Variants in ZNF254 observed in about 807,000 individuals in gnomAD.
ZNF254 encodes the protein CTD-2017D11.1.
ZNF254 carries 10 observed loss-of-function variants against 12.4 expected under a neutral mutation model. That is an observed-to-expected ratio of 0.80 (90% CI 0.50 to 1.36). The LOEUF is 1.36. ZNF254 is among the 40% of genes most tolerant of loss of function. ZNF254 has a pLI of 0.00. For synonymous variants in ZNF254, 305 were observed against 253.4 expected, an observed-to-expected ratio of 1.20 and a Z score of -1.93; for missense variants, 996 against 763.9, an observed-to-expected ratio of 1.30 and a Z score of -3.58.
chr19:24,120,786 C>T (rs1397759759), intron 3 of ZNF254, among the ~76,000 whole-genome samples: 2 of 152,052 alleles, frequency 1.3e-5, no homozygotes, highest in African/African-American at 4.8e-5. Context: ...CCTCAGCCTC[C>T]TGAGTACCTG....
intron 1 of ZNF254, among the ~76,000 whole-genome samples, chr19:24,034,488 GTTTTT>G (rs963358053): frequency 5.7e-4 from 61 of 107,346 alleles, no homozygotes; most frequent in Admixed American, 3.1e-3. Context: ...AGGTAAGTGG[GTTTTT>G]TTTTTTTTTT....
chr19:24,048,534 G>A (rs964976337), intron 2 of ZNF254, among the ~76,000 whole-genome samples: 2 of 152,198 alleles, frequency 1.3e-5, no homozygotes, highest in African/African-American at 2.4e-5. Context: ...ATGGCTCACT[G>A]TGCCCTCCAC....
intron 2 of ZNF254, among the ~76,000 whole-genome samples, chr19:24,056,005 G>T (rs1970839216): frequency 2.0e-5 from 3 of 152,138 alleles, no homozygotes; most frequent in Admixed American, 2.0e-4. Context: ...TGACTCTCTT[G>T]CCTAAGACCA....
At chr19:24,080,233 A>G (rs1345592892) in intron 2 of ZNF254, 1 of 152,182 alleles carries the variant, frequency 6.6e-6, no homozygotes, top group Non-Finnish European at 1.5e-5. Flanking sequence ...AACCTCCCAC[A>G]TGGGGTTGCC....
intron 2 of ZNF254, among the ~76,000 whole-genome samples, chr19:24,054,622 C>G (rs1568429452): frequency 6.6e-6 from 1 of 152,154 alleles, no homozygotes; most frequent in African/African-American, 2.4e-5. Flanking sequence ...AGGGAAAGAG[C>G]CTATGGCTGA....
Position 24,128,290 on chromosome 19 carries a change from A to G in ZNF254, c.*310A>G. 2 of 267,064 alleles carry G rather than the reference A, an allele frequency of 7.5e-6. No homozygotes were observed. Among genetic ancestry groups the G allele is most frequent in the East Asian group, 6.9e-5 (1 of 14,542 alleles). The allele number at this position is 267,064 out of a possible 1,614,324, so 16.5% of individuals were successfully genotyped here. On this transcript the variant is annotated 3_prime_UTR_variant, in exon 4 of 4. Transcript: ENST00000357002. ...AGCATTTATACTTGAGAAGAAATGTACAAATATTGGCAAAGTAAAAAATCC... is the reference window on the plus strand; with the variant it reads ...AGCATTTATACTTGAGAAGAAATGTGCAAATATTGGCAAAGTAAAAAATCC...
In ZNF254 at chr19:24,088,857, A is replaced by C. The variant is rs185909791; in HGVS notation, c.30+1520A>C. ...TTTTTAGTAGAGACCGGGCTTCACT[A>C]TGTTGTCCAGGCTGGTTTCAAACTC... On this transcript the variant is annotated intron_variant, in intron 1 of 3. Transcript: ENST00000357002. Among the ~76,000 whole-genome samples the C allele has an allele frequency of 2.7e-5, 4 of 147,816 alleles. No individual in the cohort carries two copies. The Admixed American group carries it at 2.7e-4, about 10-fold the overall frequency.
At chr19:24,045,241 A>C (rs980843596) in intron 1 of ZNF254, among the ~76,000 whole-genome samples, 1 of 152,094 alleles carries the variant, frequency 6.6e-6, no homozygotes, top group Non-Finnish European at 1.5e-5. Flanking sequence ...GTGATAGTTT[A>C]AGCCCCTGCA....
chr19:24,064,229 A>G (rs1971185497), intron 2 of ZNF254, among the ~76,000 whole-genome samples: 1 of 152,136 alleles, frequency 6.6e-6, no homozygotes, highest in East Asian at 1.9e-4. Flanking sequence ...GGGTTACTGG[A>G]ACATAAAGCT....
chr19:24,071,155 C>G (rs936591644), intron 2 of ZNF254, among the ~76,000 whole-genome samples: 1 of 152,124 alleles, frequency 6.6e-6, no homozygotes, highest in Non-Finnish European at 1.5e-5. Flanking sequence ...AGAAGGCCCC[C>G]TACTCTCGAC....
intron 1 of ZNF254, among the ~76,000 whole-genome samples, chr19:24,093,529 C>T (rs1013968799): frequency 2.0e-5 from 3 of 152,150 alleles, no homozygotes; most frequent in Admixed American, 2.0e-4. Context: ...TATTCCACCA[C>T]CATTTATTAC....
intron 1 of ZNF254, among the ~76,000 whole-genome samples, chr19:24,099,469 CGCTA>C (rs911444988): frequency 6.6e-5 from 10 of 152,140 alleles, no homozygotes; most frequent in Non-Finnish European, 1.3e-4. Flanking sequence ...AGCAAGAGTG[CGCTA>C]GCACAGTCTT....
intron 2 of ZNF254, among the ~76,000 whole-genome samples, chr19:24,051,359 C>A (rs1970639261): frequency 1.3e-5 from 2 of 151,998 alleles, no homozygotes. Flanking sequence ...GAAGTTTCAC[C>A]ATGTTGGCCA....
intron 1 of ZNF254, among the ~76,000 whole-genome samples, chr19:24,088,885 A>G (rs527484288): frequency 6.7e-6 from 1 of 150,058 alleles, no homozygotes; most frequent in Non-Finnish European, 1.5e-5. Flanking sequence ...TCAAACTCCT[A>G]GCCTCAAGCG....
chr19:24,053,506 ATTCTC>A (rs992047514), intron 2 of ZNF254, among the ~76,000 whole-genome samples: 1 of 150,524 alleles, frequency 6.6e-6, no homozygotes, highest in African/African-American at 2.4e-5. Context: ...ATGTGAGTCT[ATTCTC>A]TTGTCTTAGT....
chr19:24,050,627 G>A (rs11882379), intron 2 of ZNF254, among the ~76,000 whole-genome samples: 1 of 152,124 alleles, frequency 6.6e-6, no homozygotes. Context: ...CTGCTGACTC[G>A]CAGAAGTCAC....
intron 2 of ZNF254, among the ~76,000 whole-genome samples, chr19:24,081,767 C>T (rs965763367): frequency 2.0e-5 from 3 of 152,044 alleles, no homozygotes; most frequent in African/African-American, 7.2e-5. Context: ...ACACCTTTAC[C>T]GTTTGGATTG....
upstream of ZNF254, among the ~76,000 whole-genome samples, chr19:24,084,174 TATA>T (rs1281128344): frequency 6.8e-6 from 1 of 147,636 alleles, no homozygotes; most frequent in African/African-American, 2.5e-5. Context: ...ATAAATAATA[TATA>T]ATATATTTAT....
At chr19:24,066,174 C>G (rs1314497308) in intron 2 of ZNF254, 1 of 152,192 alleles carries the variant, frequency 6.6e-6, no homozygotes, top group Admixed American at 6.5e-5. Flanking sequence ...TCTGCCTACA[C>G]CCTGCCTACA....
Sources: gnomAD v4.1 joint callset for allele counts (sites outside exome capture counted in the v4.1 genomes callset) on GRCh38, gnomAD v4.1.1 for gene constraint, MANE v1.5 for transcripts, NCBI Gene and HGNC (gene_info 2026-07-23, HGNC 2026-07-21) for gene names.